CDC42BPA: variants seen among roughly 807,000 people sequenced by gnomAD.
The protein encoded by CDC42BPA is serine/threonine-protein kinase MRCK alpha.
A neutral mutation model predicts 223.5 loss-of-function variants in CDC42BPA; 80 were observed. That is an observed-to-expected ratio of 0.36 (90% CI 0.30 to 0.43). The LOEUF is 0.43. Among genes scored for constraint, CDC42BPA ranks in the 20% least tolerant of loss-of-function variants. CDC42BPA has a pLI of 1.00. For synonymous variants in CDC42BPA, 694 were observed against 718.6 expected (o/e 0.97, Z 0.55); for missense variants, 1,743 against 2,099.9 (o/e 0.83, Z 3.32).
Position 227,081,723 on chromosome 1 carries a change from G to A in CDC42BPA, c.2356-706C>T, listed in dbSNP as rs966885340. Among the ~76,000 whole-genome samples, 7 of 152,076 alleles carry A rather than the reference G, an allele frequency of 4.6e-5. No individual in the cohort carries two copies. In the South Asian group the frequency reaches 1.5e-3, roughly 32 times the overall value. On this transcript the variant is annotated intron_variant, in intron 16 of 36. Transcript: ENST00000366766. ...CCCACCTCGGCCTCCCAAAGTGCTA[G>A]GATTACAGGTGTGAGCCACCACGCC...
In CDC42BPA at chr1:227,276,854, G is replaced by C. The variant is rs1211864838; in HGVS notation, c.179-22699C>G. On this transcript the variant is annotated intron_variant, in intron 1 of 36. Transcript: ENST00000366766. ...TTAAGGGTGGTGCAAGATGTGCTTTGTTAAACAGATGCTTGAAGGCAGCAT... is the reference window on the plus strand; with the variant it reads ...TTAAGGGTGGTGCAAGATGTGCTTTCTTAAACAGATGCTTGAAGGCAGCAT... Among the ~76,000 whole-genome samples the C allele has an allele frequency of 3.3e-5, 5 of 152,214 alleles. No individual in the cohort carries two copies. In the South Asian group the frequency reaches 1.0e-3, roughly 32 times the overall value.
rs1002551122 is a variant in CDC42BPA, at chr1:227,259,428, G to A, written c.179-5273C>T. Among the ~76,000 whole-genome samples, 5 of 150,958 alleles carry A rather than the reference G, an allele frequency of 3.3e-5. 1 individual carries two copies. Among genetic ancestry groups the A allele is most frequent in the African/African-American group, 9.9e-5 (4 of 40,308 alleles). On this transcript the variant is annotated intron_variant, in intron 1 of 36. Coordinates refer to ENST00000366766, the MANE Select transcript of CDC42BPA (RefSeq NM_001394014.1). The stretch of plus-strand genomic sequence containing the variant: ...AAAACAAAGCAGATGCATAGAGAAA[G>A]GCAAAGACAATGAGAAAAGGAAGTG...
chr1:226,999,817 G>C (rs1333049860), intron 35 of CDC42BPA, among the ~76,000 whole-genome samples: 1 of 151,882 alleles, frequency 6.6e-6, no homozygotes, highest in African/African-American at 2.4e-5. Flanking sequence ...GATGAAGCTG[G>C]AAACAATCAT....
In CDC42BPA at chr1:226,991,155, GA is replaced by G. The variant is rs1295766247; in HGVS notation, c.*3112del. 4 of 152,632 alleles carry G rather than the reference GA, an allele frequency of 2.6e-5. No individual in the cohort carries two copies. The highest frequency in any genetic ancestry group is 9.7e-5 in the African/African-American group (4 of 41,442). 9.5% of individuals were successfully genotyped at this position (152,632 alleles called of 1,614,324 possible). ...CATGATTAGTCAGAATTTGAGGGTAGATAACTTGGCTGGACATAGATAGCAC... is the reference window on the plus strand; with the variant it reads ...CATGATTAGTCAGAATTTGAGGGTAGTAACTTGGCTGGACATAGATAGCAC... On this transcript the variant is annotated 3_prime_UTR_variant, in exon 37 of 37. Transcript: ENST00000366766.
At chr1:227,194,276 C>A (rs1008680797) in intron 4 of CDC42BPA, among the ~76,000 whole-genome samples, 1 of 152,026 alleles carries the variant, frequency 6.6e-6, no homozygotes, top group Non-Finnish European at 1.5e-5. Flanking sequence ...TTTGAATCCA[C>A]CCCCTCCCCC....
intron 1 of CDC42BPA, among the ~76,000 whole-genome samples, chr1:227,300,750 T>C (rs1691491057): frequency 6.6e-6 from 1 of 152,140 alleles, no homozygotes; most frequent in African/African-American, 2.4e-5. Context: ...ACGAGTGTAC[T>C]AAAATCTTGG....
At chr1:227,279,186 T>C (rs1352485494) in intron 1 of CDC42BPA, among the ~76,000 whole-genome samples, 1 of 152,174 alleles carries the variant, frequency 6.6e-6, no homozygotes, top group Non-Finnish European at 1.5e-5. Context: ...ATGGCATTAG[T>C]TGGAAACCTG....
At chr1:227,148,693 G>A (rs1317717216) in intron 6 of CDC42BPA, among the ~76,000 whole-genome samples, 3 of 143,660 alleles carry the variant, frequency 2.1e-5, no homozygotes, top group African/African-American at 7.7e-5. Context: ...TGTGAACCCG[G>A]GAGGCGGAGC....
chr1:227,285,990 C>T lies in CDC42BPA; in HGVS notation c.178+31015G>A, dbSNP rs78727249. On this transcript the variant is annotated intron_variant, in intron 1 of 36. Transcript: ENST00000366766. ...CATTCTGTCCTCCTAAGCCTCTGAG[C>T]CTATAATGGGAAGGACAGCCTGGAA... 1.2e-4 allele frequency among the ~76,000 whole-genome samples: 19 copies of T among 152,262 alleles called. No homozygotes were observed. In the East Asian group the frequency reaches 3.3e-3, roughly 26 times the overall value.
At chr1:227,133,158 A>C (rs1657652709) in intron 10 of CDC42BPA, among the ~76,000 whole-genome samples, 3 of 137,096 alleles carry the variant, frequency 2.2e-5, no homozygotes, top group East Asian at 2.5e-4. Flanking sequence ...GGCCACCCCT[A>C]CTGGGAACTG....
rs530819460 is a variant in CDC42BPA at position 227,201,441 on chromosome 1, C to G, written c.355-1789G>C. Reference sequence around the variant, plus strand: ...TACAGGCATGAGCTACCACACCCAGCCTAAAAATCAATTTTATGTATCATA... The same window carrying G: ...TACAGGCATGAGCTACCACACCCAGGCTAAAAATCAATTTTATGTATCATA... On this transcript the variant is annotated intron_variant, in intron 3 of 36. Coordinates refer to ENST00000366766, the MANE Select transcript of CDC42BPA (RefSeq NM_001394014.1). Among the ~76,000 whole-genome samples, 9 of 152,144 alleles carry G rather than the reference C, an allele frequency of 5.9e-5. No homozygotes were observed. In the South Asian group the frequency reaches 1.2e-3, roughly 21 times the overall value.
chr1:227,202,821 T>C (rs1402886800), intron 3 of CDC42BPA, among the ~76,000 whole-genome samples: 1 of 151,090 alleles, frequency 6.6e-6, no homozygotes, highest in Non-Finnish European at 1.5e-5. Context: ...TCCTAGCTAC[T>C]TGGAAGGCTG....
chr1:227,001,050 C>A (rs1158827554), intron 35 of CDC42BPA, among the ~76,000 whole-genome samples: 1 of 152,108 alleles, frequency 6.6e-6, no homozygotes, highest in Non-Finnish European at 1.5e-5. Flanking sequence ...CTGACAGGAG[C>A]GGGTCTCATT....
At chr1:227,296,404 A>T (rs1690635871) in intron 1 of CDC42BPA, among the ~76,000 whole-genome samples, 1 of 152,160 alleles carries the variant, frequency 6.6e-6, no homozygotes, top group South Asian at 2.1e-4. Flanking sequence ...GTGAAACACA[A>T]AACTTTTGGG....
At chr1:227,123,941 A>C (rs989977391) in intron 11 of CDC42BPA, among the ~76,000 whole-genome samples, 3 of 152,162 alleles carry the variant, frequency 2.0e-5, no homozygotes, top group African/African-American at 7.2e-5. Context: ...CATAAGAACG[A>C]GAGTCTCAGA....
rs974646270 is a variant in CDC42BPA at position 227,080,880 on chromosome 1, A to G, written c.2480+13T>C. On this transcript the variant is annotated intron_variant, in intron 17 of 36. Coordinates refer to ENST00000366766, the MANE Select transcript of CDC42BPA (RefSeq NM_001394014.1). The stretch of plus-strand genomic sequence containing the variant: ...ACAATCATCCACAAAAAAACGTTTA[A>G]AAGAGCACTCACCACTGAATTATTT... 1 of 1,613,206 alleles carries G rather than the reference A, an allele frequency of 6.2e-7. No homozygotes were observed. The highest frequency in any genetic ancestry group is 8.5e-7 in the Non-Finnish European group (1 of 1,179,762).
At chr1:227,173,530 G>A (rs1476988697) in intron 5 of CDC42BPA, among the ~76,000 whole-genome samples, 1 of 152,070 alleles carries the variant, frequency 6.6e-6, no homozygotes, top group East Asian at 1.9e-4. Context: ...ATTTGGGAAG[G>A]GCTGGAGACT....
intron 2 of CDC42BPA, among the ~76,000 whole-genome samples, chr1:227,251,152 T>C (rs1037398433): frequency 2.6e-5 from 4 of 151,886 alleles, no homozygotes; most frequent in Non-Finnish European, 4.4e-5. Context: ...AATACAAATA[T>C]GTGGGTAAAC....
At chr1:227,091,730 A>G (rs1683113638) in intron 16 of CDC42BPA, among the ~76,000 whole-genome samples, 156 bp downstream of exon 16, 1 of 152,218 alleles carries the variant, frequency 6.6e-6, no homozygotes, top group Non-Finnish European at 1.5e-5. Context: ...TCAGATTATT[A>G]TAACAAAGAA....
Sources: gnomAD v4.1 joint callset for allele counts (sites outside exome capture counted in the v4.1 genomes callset) on GRCh38, gnomAD v4.1.1 for gene constraint, MANE v1.5 for transcripts, NCBI Gene and HGNC (gene_info 2026-07-23, HGNC 2026-07-21) for gene names.